The following CNTNAP2 variants were observed in gnomAD, a reference collection of about 807,000 sequenced individuals.
The protein encoded by CNTNAP2 is contactin associated protein 2.
CNTNAP2 carries 98 observed loss-of-function variants against 155.2 expected under a neutral mutation model. The observed-to-expected ratio is 0.63, with a 90% CI of 0.54 to 0.75. The LOEUF is 0.75. CNTNAP2 is among the 30% of genes least tolerant of loss of function. The pLI, the probability that CNTNAP2 is intolerant of heterozygous loss-of-function variation, is 0.00. For synonymous variants in CNTNAP2, 651 were observed against 631.2 expected (o/e 1.03, Z -0.47); for missense variants, 1,727 against 1,688.1 (o/e 1.02, Z -0.40).
chr7:147,467,991 A>G (rs974295811), intron 10 of CNTNAP2, among the ~76,000 whole-genome samples: 1 of 152,132 alleles, frequency 6.6e-6, no homozygotes, highest in African/African-American at 2.4e-5. Flanking sequence ...TGATCACAGC[A>G]CTGCACTCCA....
At chr7:146,185,334 C>T (rs1157438550) in intron 1 of CNTNAP2, among the ~76,000 whole-genome samples, 6 of 152,138 alleles carry the variant, frequency 3.9e-5, no homozygotes, top group Admixed American at 6.5e-5. Context: ...TCAGGCCACC[C>T]ACCTATTGGT....
At chr7:146,720,049 C>T (rs540727989) in intron 1 of CNTNAP2, among the ~76,000 whole-genome samples, 5 of 152,074 alleles carry the variant, frequency 3.3e-5, no homozygotes, top group African/African-American at 1.2e-4. Context: ...TGTTTTTTCT[C>T]AGTTTTCACC....
At chr7:147,035,297 T>C (rs1471863934) in intron 3 of CNTNAP2, among the ~76,000 whole-genome samples, 1 of 152,230 alleles carries the variant, frequency 6.6e-6, no homozygotes, top group Non-Finnish European at 1.5e-5. Flanking sequence ...TGCAGTATTT[T>C]ATGAAGGTCC....
chr7:146,120,783 A>G (rs1371279352), intron 1 of CNTNAP2, among the ~76,000 whole-genome samples: 1 of 152,172 alleles, frequency 6.6e-6, no homozygotes, highest in Non-Finnish European at 1.5e-5. Flanking sequence ...AATTGCCTAT[A>G]GTATTCAGTG....
chr7:147,363,562 A>T (rs34459574), intron 9 of CNTNAP2, among the ~76,000 whole-genome samples: 7 of 151,984 alleles, frequency 4.6e-5, no homozygotes, highest in Admixed American at 6.5e-5. Flanking sequence ...TATTCTGATC[A>T]TACCTCAAAT....
rs1049067758 is a variant in CNTNAP2 at position 146,786,057 on chromosome 7, G to A, written c.208+11676G>A. Among the ~76,000 whole-genome samples the A allele has an allele frequency of 2.0e-5, 3 of 152,154 alleles. No homozygotes were observed. The East Asian group carries it at 5.8e-4, about 29-fold the overall frequency. On this transcript the variant is annotated intron_variant, in intron 2 of 23. Coordinates refer to ENST00000361727, the MANE Select transcript of CNTNAP2 (RefSeq NM_014141.6). ...CCGTTTGGGAAGCTCACATCAGCTG[G>A]TTGGTGAGTGGCATTGAACAGAGTT...
chr7:146,365,812 T>C (rs2129101810), intron 1 of CNTNAP2, among the ~76,000 whole-genome samples: 1 of 152,288 alleles, frequency 6.6e-6, no homozygotes, highest in South Asian at 2.1e-4. Context: ...AACATGTCTA[T>C]TAACTTAATA....
At chr7:146,215,857 T>A (rs1057027047) in intron 1 of CNTNAP2, among the ~76,000 whole-genome samples, 1 of 152,250 alleles carries the variant, frequency 6.6e-6, no homozygotes, top group African/African-American at 2.4e-5. Context: ...TTTGCTTTGA[T>A]AAATAATATT....
intron 3 of CNTNAP2, among the ~76,000 whole-genome samples, chr7:146,980,578 C>A (rs1243069826): frequency 2.6e-5 from 4 of 152,102 alleles, no homozygotes; most frequent in Non-Finnish European, 5.9e-5. Flanking sequence ...GTACAAACAT[C>A]TGTTTCTGCT....
chr7:146,160,270 A>T (rs1798197312), intron 1 of CNTNAP2, among the ~76,000 whole-genome samples: 1 of 152,204 alleles, frequency 6.6e-6, no homozygotes, highest in South Asian at 2.1e-4. Flanking sequence ...CCCTAACATC[A>T]CAATTAAAAG....
intron 15 of CNTNAP2, among the ~76,000 whole-genome samples, chr7:148,083,385 A>G (rs1803653881): frequency 6.6e-6 from 1 of 152,174 alleles, no homozygotes; most frequent in Non-Finnish European, 1.5e-5. Context: ...TTCCCTTCAT[A>G]GCATGAACAC....
chr7:147,334,217 T>G (rs1332904084), intron 9 of CNTNAP2, among the ~76,000 whole-genome samples: 1 of 152,142 alleles, frequency 6.6e-6, no homozygotes, highest in East Asian at 1.9e-4. Flanking sequence ...TCTATCTGCC[T>G]CCTCCTTCCT....
intron 12 of CNTNAP2, among the ~76,000 whole-genome samples, chr7:147,623,762 A>T (rs562310811): frequency 4.9e-4 from 75 of 151,972 alleles, no homozygotes; most frequent in Middle Eastern, 6.8e-3. Context: ...TTTTAAATTT[A>T]AAATTAAAAT....
rs570726771 is a variant in CNTNAP2 at position 146,772,690 on chromosome 7, AAG to A, written c.98-1578_98-1577del. 2.2e-3 allele frequency among the ~76,000 whole-genome samples: 329 copies of A among 151,840 alleles called. 2 individuals are homozygous for A. Among genetic ancestry groups the A allele is most frequent in the Non-Finnish European group, 4.0e-3 (275 of 67,928 alleles). On this transcript the variant is annotated intron_variant, in intron 1 of 23. Transcript: ENST00000361727. ...TCTCAAATAAAAATAAAAAAGAAAA[AAG>A]AGGAAAGGGGCCATGGTGGCTAGAC...
At chr7:148,342,651 T>C (rs1585290922) in intron 21 of CNTNAP2, among the ~76,000 whole-genome samples, 1 of 152,362 alleles carries the variant, frequency 6.6e-6, no homozygotes, top group Non-Finnish European at 1.5e-5. Flanking sequence ...CCTTTGAAAT[T>C]GATCATCATT....
intron 13 of CNTNAP2, among the ~76,000 whole-genome samples, chr7:147,807,812 A>T (rs1798115695): frequency 6.6e-6 from 1 of 152,134 alleles, no homozygotes; most frequent in African/African-American, 2.4e-5. Context: ...GCGTCAGGAC[A>T]GTTTTTCTAA....
At chr7:147,371,358 T>A (rs1423443671) in intron 9 of CNTNAP2, among the ~76,000 whole-genome samples, 2 of 152,188 alleles carry the variant, frequency 1.3e-5, no homozygotes, top group Admixed American at 6.6e-5. Flanking sequence ...TACCTTTCTA[T>A]GCTGGTTTGT....
At chr7:146,856,406 A>C (rs144014771) in intron 3 of CNTNAP2, among the ~76,000 whole-genome samples, 2 of 152,262 alleles carry the variant, frequency 1.3e-5, no homozygotes, top group East Asian at 3.9e-4. Context: ...GTAGAATACG[A>C]ACTTCTGACT....
intron 18 of CNTNAP2, among the ~76,000 whole-genome samples, chr7:148,173,483 C>T (rs928763863): frequency 6.6e-6 from 1 of 152,198 alleles, no homozygotes; most frequent in African/African-American, 2.4e-5. Flanking sequence ...CAAGATGCCA[C>T]ACACAGAAGG....
Sources: gnomAD v4.1 joint callset for allele counts (sites outside exome capture counted in the v4.1 genomes callset) on GRCh38, gnomAD v4.1.1 for gene constraint, MANE v1.5 for transcripts, NCBI Gene and HGNC (gene_info 2026-07-23, HGNC 2026-07-21) for gene names.